IL1RAPL1: variants seen among roughly 807,000 people sequenced by gnomAD.
IL1RAPL1 encodes interleukin-1 receptor accessory protein-like 1.
IL1RAPL1 carries 3 observed loss-of-function variants against 48.4 expected under a neutral mutation model. That is an observed-to-expected ratio of 0.06 (90% CI 0.03 to 0.16). The LOEUF is 0.16. IL1RAPL1 is among the 10% of genes least tolerant of loss of function. IL1RAPL1 has a pLI of 1.00. For missense variants in IL1RAPL1, 349 were observed against 530.6 expected, an observed-to-expected ratio of 0.66 and a Z score of 3.36; for synonymous variants, 185 against 187.7, an observed-to-expected ratio of 0.99 and a Z score of 0.12.
chrX:29,639,653 T>C, intron 5 of IL1RAPL1, among the ~76,000 whole-genome samples: 1 of 109,617 alleles, frequency 9.1e-6, no homozygotes, highest in South Asian at 4.0e-4. Context: ...ACTTACTAAC[T>C]TGGAATCATG....
intron 3 of IL1RAPL1, among the ~76,000 whole-genome samples, chrX:29,367,381 T>C (rs1377997488): frequency 9.0e-6 from 1 of 111,050 alleles, no homozygotes; most frequent in African/African-American, 3.3e-5. Context: ...ACCACATGAA[T>C]AATGCATTTG....
intron 5 of IL1RAPL1, among the ~76,000 whole-genome samples, chrX:29,607,967 CA>C (rs1923947632): frequency 8.9e-6 from 1 of 112,198 alleles, no homozygotes; most frequent in Non-Finnish European, 1.9e-5. Context: ...CTTTATGTTT[CA>C]ATTATCTATT....
intron 2 of IL1RAPL1, among the ~76,000 whole-genome samples, chrX:29,065,661 GT>G (rs763075660): frequency 9.0e-5 from 10 of 111,556 alleles, no homozygotes; most frequent in Non-Finnish European, 1.9e-4. Flanking sequence ...TGCATGTTGT[GT>G]GCTTAATGGT....
At chrX:29,074,187 T>C (rs1417552015) in intron 2 of IL1RAPL1, among the ~76,000 whole-genome samples, 1 of 111,708 alleles carries the variant, frequency 9.0e-6, no homozygotes, top group Non-Finnish European at 1.9e-5. Flanking sequence ...AATAATGAAT[T>C]GAACACAAGG....
intron 2 of IL1RAPL1, among the ~76,000 whole-genome samples, chrX:28,925,421 A>G (rs747296396): frequency 9.8e-4 from 110 of 111,767 alleles, no homozygotes; most frequent in Middle Eastern, 4.7e-3. Flanking sequence ...AATTCTCAGC[A>G]CATATCAACT....
chrX:29,558,606 T>C (rs963787220), intron 5 of IL1RAPL1, among the ~76,000 whole-genome samples: 1 of 111,928 alleles, frequency 8.9e-6, no homozygotes, highest in Non-Finnish European at 1.9e-5. Context: ...GTCCAAAAAG[T>C]AATTACCCAG....
intron 2 of IL1RAPL1, among the ~76,000 whole-genome samples, chrX:29,156,045 A>G (rs1929563367): frequency 9.0e-6 from 1 of 111,085 alleles, no homozygotes; most frequent in Non-Finnish European, 1.9e-5. Context: ...TATTGCATCT[A>G]CCCTCTTGAC....
intron 6 of IL1RAPL1, among the ~76,000 whole-genome samples, chrX:29,802,308 G>C (rs964103545): frequency 1.8e-5 from 2 of 112,005 alleles, no homozygotes; most frequent in Admixed American, 1.9e-4. Context: ...AAGTAAAAGA[G>C]TATTTTGATT....
At chrX:29,001,524 A>G (rs1925852379) in intron 2 of IL1RAPL1, among the ~76,000 whole-genome samples, 3 of 112,092 alleles carry the variant, frequency 2.7e-5, no homozygotes, top group Admixed American at 9.5e-5. Context: ...CAGAGGAAAA[A>G]AAATGGTGGT....
At chrX:29,943,625 A>G (rs2147252667) in intron 9 of IL1RAPL1, among the ~76,000 whole-genome samples, 1 of 112,296 alleles carries the variant, frequency 8.9e-6, no homozygotes, top group South Asian at 3.7e-4. Flanking sequence ...GAAAAAGCAC[A>G]TTACCTAAAC....
intron 5 of IL1RAPL1, among the ~76,000 whole-genome samples, chrX:29,488,078 A>T (rs993894935): frequency 3.6e-5 from 4 of 112,247 alleles, no homozygotes; most frequent in African/African-American, 9.7e-5. Context: ...AAGGAAGGAC[A>T]CTACAGATCA....
At chrX:29,035,147 G>A (rs1926705223) in intron 2 of IL1RAPL1, among the ~76,000 whole-genome samples, 2 of 111,491 alleles carry the variant, frequency 1.8e-5, no homozygotes, top group Non-Finnish European at 3.8e-5. Context: ...GTAGGACGGG[G>A]TTTCACCGTG....
At chrX:29,918,751 C>G (rs1932823925) in intron 7 of IL1RAPL1, among the ~76,000 whole-genome samples, 1 of 111,531 alleles carries the variant, frequency 9.0e-6, no homozygotes, top group Non-Finnish European at 1.9e-5. Flanking sequence ...AGGCATAATG[C>G]CTAAGCCCCT....
chrX:29,635,549 A>G (rs780054105), intron 5 of IL1RAPL1, among the ~76,000 whole-genome samples: 3 of 111,948 alleles, frequency 2.7e-5, no homozygotes, highest in African/African-American at 9.7e-5. Context: ...ATCATTTCAC[A>G]AGAAAGTTCT....
rs746860442 is a variant in IL1RAPL1, at chrX:29,150,382, T to TAGC, written c.83-132540_83-132538dup. On this transcript the variant is annotated intron_variant, in intron 2 of 10. Transcript: ENST00000378993. ...AATGATAATAACAAAACAACAATAATAGCAGCAGCAGCAGCAGCTAACATT... is the reference window on the plus strand; with the variant it reads ...AATGATAATAACAAAACAACAATAATAGCAGCAGCAGCAGCAGCAGCTAACATT... 2.8e-4 allele frequency among the ~76,000 whole-genome samples: 31 copies of TAGC among 111,120 alleles called. No homozygotes were observed. The South Asian group carries it at 9.4e-3, about 34-fold the overall frequency.
At chrX:29,188,801 G>A (rs1273841993) in intron 2 of IL1RAPL1, among the ~76,000 whole-genome samples, 1 of 110,185 alleles carries the variant, frequency 9.1e-6, no homozygotes, top group East Asian at 2.8e-4. Context: ...TGGCCAGGCT[G>A]GTCTCGAACT....
chrX:29,616,729 C>T (rs1924300535), intron 5 of IL1RAPL1, among the ~76,000 whole-genome samples: 1 of 110,791 alleles, frequency 9.0e-6, no homozygotes, highest in Non-Finnish European at 1.9e-5. Context: ...GAGAGGTGTG[C>T]ACTAAACTTG....
At chrX:29,920,695 T>TGAGGCA (rs1601884236) in intron 8 of IL1RAPL1, among the ~76,000 whole-genome samples, 1 of 103,128 alleles carries the variant, frequency 9.7e-6, no homozygotes, top group Non-Finnish European at 1.9e-5. Flanking sequence ...TTTGAGAGGC[T>TGAGGCA]GAGGCAGGAG....
chrX:29,274,963 T>C (rs1737586659), intron 2 of IL1RAPL1, among the ~76,000 whole-genome samples: 1 of 110,410 alleles, frequency 9.1e-6, no homozygotes, highest in Non-Finnish European at 1.9e-5. Context: ...CCTTTGCTAC[T>C]TCTTTTTTTT....
Sources: gnomAD v4.1 joint callset for allele counts (sites outside exome capture counted in the v4.1 genomes callset) on GRCh38, gnomAD v4.1.1 for gene constraint, MANE v1.5 for transcripts, NCBI Gene and HGNC (gene_info 2026-07-23, HGNC 2026-07-21) for gene names.